The following NFATC1 variants were observed in gnomAD, a reference collection of about 807,000 sequenced individuals.
The protein encoded by NFATC1 is nuclear factor of activated T cells 1, also known as nuclear factor of activated T-cells, cytoplasmic 1.
NFATC1 carries 22 observed loss-of-function variants against 76.0 expected under a neutral mutation model. The ratio of observed to expected loss-of-function variants is 0.29; its 90% CI spans 0.21 to 0.41. The LOEUF (loss-of-function observed/expected upper bound fraction) is 0.41. Among genes scored for constraint, NFATC1 ranks in the 10% least tolerant of loss-of-function variants. The pLI is 1.00. For synonymous variants in NFATC1, 704 were observed against 613.1 expected (o/e 1.15, Z -2.19); for missense variants, 1,357 against 1,337.7 (o/e 1.01, Z -0.23).
At chr18:79,502,124 T>C (rs565285304) in intron 9 of NFATC1, among the ~76,000 whole-genome samples, 1 of 152,344 alleles carries the variant, frequency 6.6e-6, no homozygotes, top group South Asian at 2.1e-4. Context: ...GAAGCTATAA[T>C]AATCAAGACA....
intron 9 of NFATC1, among the ~76,000 whole-genome samples, chr18:79,494,597 C>T (rs1443295694): frequency 1.3e-5 from 1 of 79,974 alleles, no homozygotes; most frequent in Non-Finnish European, 2.5e-5. Context: ...GGGCACACGC[C>T]CCCCATCGAC....
chr18:79,402,278 C>T (rs2085293727), intron 1 of NFATC1: 1 of 959,614 alleles, frequency 1.0e-6, no homozygotes, highest in Non-Finnish European at 1.2e-6. Flanking sequence ...ACAGTTTATA[C>T]ACCATTTTGA....
At chr18:79,508,908 C>T (rs1477676010) in intron 9 of NFATC1, among the ~76,000 whole-genome samples, 1 of 142,022 alleles carries the variant, frequency 7.0e-6, no homozygotes, top group Admixed American at 6.9e-5. Flanking sequence ...CCCTCCCTTT[C>T]TCTCTCATGG....
chr18:79,502,951 TCAG>T (rs1435467802), intron 9 of NFATC1, among the ~76,000 whole-genome samples: 11 of 152,328 alleles, frequency 7.2e-5, no homozygotes, highest in Non-Finnish European at 1.6e-4. Flanking sequence ...GCCATGTGAC[TCAG>T]CAGTTCCACT....
At chr18:79,413,148 C>T (rs1238905978) in intron 2 of NFATC1, among the ~76,000 whole-genome samples, 4 of 152,190 alleles carry the variant, frequency 2.6e-5, no homozygotes, top group African/African-American at 4.8e-5. Context: ...GTGACAAAGT[C>T]GTCCATCACC....
At chr18:79,478,298 G>C (rs1287487497) in intron 8 of NFATC1, among the ~76,000 whole-genome samples, 2 of 152,144 alleles carry the variant, frequency 1.3e-5, no homozygotes, top group African/African-American at 4.8e-5. Context: ...TAGCAGAAGG[G>C]GGCCCTGATC....
chr18:79,416,557 C>T (rs1026518432), intron 2 of NFATC1, among the ~76,000 whole-genome samples: 13 of 152,234 alleles, frequency 8.5e-5, no homozygotes, highest in Non-Finnish European at 1.8e-4. Context: ...CATAGCGAGA[C>T]GTGTAAGGTG....
chr18:79,494,220 CAACCT>C (rs2089794023), intron 9 of NFATC1, among the ~76,000 whole-genome samples: 2 of 138,578 alleles, frequency 1.4e-5, no homozygotes, highest in East Asian at 2.2e-4. Context: ...CGCCCCCCAT[CAACCT>C]GGTGTGGCCG....
chr18:79,505,594 C>A (rs1206383364), intron 9 of NFATC1, among the ~76,000 whole-genome samples: 1 of 131,154 alleles, frequency 7.6e-6, no homozygotes, highest in East Asian at 2.4e-4. Flanking sequence ...GTGGATGAGA[C>A]CCTTGGGTGA....
chr18:79,509,558 G>C (rs886496208), intron 9 of NFATC1, among the ~76,000 whole-genome samples: 1 of 152,254 alleles, frequency 6.6e-6, no homozygotes, highest in African/African-American at 2.4e-5. Context: ...CCCCTGCCTA[G>C]AGGGGCACCC....
At chr18:79,473,092 C>T (rs985382879) in intron 8 of NFATC1, among the ~76,000 whole-genome samples, 1 of 152,254 alleles carries the variant, frequency 6.6e-6, no homozygotes, top group African/African-American at 2.4e-5. Flanking sequence ...GAAGTCCTAC[C>T]TGATTTCAGA....
chr18:79,437,130 G>C (rs545735068), intron 3 of NFATC1, among the ~76,000 whole-genome samples: 1 of 152,236 alleles, frequency 6.6e-6, no homozygotes, highest in Non-Finnish European at 1.5e-5. Flanking sequence ...TGGTCCCTGC[G>C]GGGTCTGGCG....
At position 79,497,142 on chromosome 18, in the gene NFATC1, C is replaced by T. The variant is rs2089909142; in HGVS notation, c.2782+10205C>T. ...TCTTCAGAGAATTTCTGACTGTTTG[C>T]TAAGGCACGTTTCCATAAGAAGGAC... On this transcript the variant is annotated intron_variant, in intron 9 of 9. Coordinates refer to ENST00000427363, the MANE Select transcript of NFATC1 (RefSeq NM_001278669.2). 2.0e-5 allele frequency: 3 copies of T among 152,278 alleles called. 1 individual carries two copies. The South Asian group carries it at 6.2e-4, about 32-fold the overall frequency. 9.4% of individuals were successfully genotyped at this position (152,278 alleles called of 1,614,324 possible). A position where few individuals can be genotyped will look rare whatever the true frequency, so the allele number is the denominator to read the frequency against.
At chr18:79,402,042 C>A (rs1383676047) in intron 1 of NFATC1, among the ~76,000 whole-genome samples, 9 of 152,354 alleles carry the variant, frequency 5.9e-5, no homozygotes, top group African/African-American at 2.2e-4. Flanking sequence ...GTGGGCTGTG[C>A]CACACTGGGC....
At chr18:79,464,390 C>T (rs555713066) in intron 7 of NFATC1, among the ~76,000 whole-genome samples, 4 of 152,060 alleles carry the variant, frequency 2.6e-5, no homozygotes, top group Non-Finnish European at 4.4e-5. Flanking sequence ...CCACCGCGCC[C>T]GGCCTGCTGT....
intron 2 of NFATC1, among the ~76,000 whole-genome samples, chr18:79,416,848 T>G (rs1391629488): frequency 1.3e-5 from 2 of 152,188 alleles, no homozygotes; most frequent in African/African-American, 2.4e-5. Context: ...TCCTGCTGTT[T>G]CCTGCTGTTT....
Position 79,486,237 on chromosome 18 carries a change from C to G in NFATC1, c.2093-11C>G. The G allele has an allele frequency of 1.3e-6, 2 of 1,575,588 alleles. No individual in the cohort carries two copies. Among genetic ancestry groups the G allele is most frequent in the African/African-American group, 2.8e-5 (2 of 72,568 alleles). On this transcript the variant is annotated splice_polypyrimidine_tract_variant and intron_variant, in intron 8 of 9. Coordinates refer to ENST00000427363, the MANE Select transcript of NFATC1 (RefSeq NM_001278669.2). Reference sequence around the variant, plus strand: ...CTTGTGTTTATTTAATTTTTTTTTTCCTTCTCACAGTTCCAATTATAAAAA... The same window carrying G: ...CTTGTGTTTATTTAATTTTTTTTTTGCTTCTCACAGTTCCAATTATAAAAA...
At chr18:79,483,474 G>A (rs1385551011) in intron 8 of NFATC1, among the ~76,000 whole-genome samples, 1 of 139,898 alleles carries the variant, frequency 7.1e-6, no homozygotes. Flanking sequence ...TGGTTCCTGG[G>A]GTGTCACTCC....
At chr18:79,507,951 C>T (rs372967267) in intron 9 of NFATC1, among the ~76,000 whole-genome samples, 19 of 152,252 alleles carry the variant, frequency 1.2e-4, no homozygotes, top group Non-Finnish European at 2.2e-4. Flanking sequence ...CCGCGTCAGG[C>T]GGAGGATCCC....
Sources: allele counts gnomAD v4.1 joint callset (sites outside exome capture counted in the v4.1 genomes callset), GRCh38; gene constraint gnomAD v4.1.1; transcripts MANE v1.5; gene names NCBI Gene and HGNC (gene_info 2026-07-23, HGNC 2026-07-21).